HIBCH: variants seen among roughly 807,000 people sequenced by gnomAD.
HIBCH encodes the protein 3-hydroxyisobutyryl-CoA hydrolase, also known as 3-hydroxyisobutyryl-CoA hydrolase, mitochondrial.
Under a neutral mutation model 58.2 loss-of-function variants are expected in HIBCH, and 50 were observed. The observed-to-expected ratio is 0.86, with a 90% CI of 0.68 to 1.09. HIBCH has a LOEUF of 1.09. Ranked by LOEUF, HIBCH falls within the 50% of genes least tolerant of loss-of-function variation. The pLI is 0.00. For missense variants in HIBCH, 450 were observed against 449.7 expected (o/e 1.00, Z -0.01); for synonymous variants, 151 against 146.9 (o/e 1.03, Z -0.20).
chr2:190,279,336 C>A lies in HIBCH; in HGVS notation c.438+8250G>T, dbSNP rs1687643387. Among the ~76,000 whole-genome samples the A allele has an allele frequency of 6.6e-6, 1 of 152,210 alleles. No individual in the cohort carries two copies. The highest frequency in any genetic ancestry group is 1.5e-5 in the Non-Finnish European group (1 of 68,046). The stretch of plus-strand genomic sequence containing the variant: ...GTGGGGACAAATATTCAAACCGTAG[C>A]ATTCCATCCCTGACCTCCCAAACTC... On this transcript the variant is annotated intron_variant, in intron 6 of 13. Transcript: ENST00000359678. The surrounding 1 kb of genome is among the most constrained non-coding windows in gnomAD (Gnocchi z 4.2).
rs1358205722 is a variant in HIBCH at position 190,214,863 on chromosome 2, C to T, written c.892-1788G>A. ...ATCTGGGGATCATGAAGGAGCTAAA[C>T]CCAGTGCTCCCTTAAATCCTTATCC... On this transcript the variant is annotated intron_variant, in intron 11 of 13. Transcript: ENST00000359678. The surrounding 1 kb of genome is among the most constrained non-coding windows in gnomAD (Gnocchi z 5.5). 1.3e-5 allele frequency: 2 copies of T among 152,246 alleles called. No homozygotes were observed. Among genetic ancestry groups the T allele is most frequent in the African/African-American group, 2.4e-5 (1 of 41,436 alleles). The allele number at this position is 152,246 out of a possible 1,614,324, so 9.4% of individuals were successfully genotyped here.
At chr2:190,313,073 C>T (rs970719743) in intron 1 of HIBCH, among the ~76,000 whole-genome samples, 30 of 152,184 alleles carry the variant, frequency 2.0e-4, no homozygotes, top group Admixed American at 7.9e-4. Context: ...AGTTTTTCTT[C>T]CTGTTAAAGA....
At chr2:190,319,545 AAGACAG>A (rs1348178499) in intron 1 of HIBCH, among the ~76,000 whole-genome samples, 165 bp downstream of exon 1, 1 of 152,186 alleles carries the variant, frequency 6.6e-6, no homozygotes, top group Admixed American at 6.5e-5. Context: ...GGAGAAAGGA[AAGACAG>A]GGACGGGGGC....
Position 190,296,848 on chromosome 2 carries a change from G to A in HIBCH, c.184C>T (p.Leu62Phe), listed in dbSNP as rs544400387. Residue 62 changes from leucine (L) to phenylalanine (F), a missense_variant, in exon 3 of 14, where the codon CTT (leucine) becomes TTT (phenylalanine). By Grantham distance (22) the Leu-to-Phe change is conservative (BLOSUM62 0). Coordinates refer to ENST00000359678, the MANE Select transcript of HIBCH (RefSeq NM_014362.4). ...NRPKFLNALTLNMIRQIYPQL... is the reference protein window; with the variant it reads ...NRPKFLNALTFNMIRQIYPQL... ...GGATAAATCTGCCGAATCATATTAA[G>A]AGTCAGTGCATTGAGGAACTTTGGT... 8.5e-5 allele frequency: 137 copies of A among 1,614,030 alleles called. 2 individuals are homozygous for A. In the South Asian group the frequency reaches 1.4e-3, roughly 17 times the overall value.
intron 6 of HIBCH, among the ~76,000 whole-genome samples, chr2:190,286,409 G>C (rs113172035): frequency 3.3e-5 from 5 of 152,094 alleles, no homozygotes; most frequent in African/African-American, 1.2e-4. Context: ...GTAAAACTTT[G>C]ATTAAACAAA....
In HIBCH at chr2:190,211,904, T is replaced by C. The variant is rs181058672; in HGVS notation, c.1011+1052A>G. Reference sequence around the variant, plus strand: ...GGCAAGAATCAATCAATCTAGGCAGTGCACTAAAAGTGTAATGAAAAACAT... The same window carrying C: ...GGCAAGAATCAATCAATCTAGGCAGCGCACTAAAAGTGTAATGAAAAACAT... On this transcript the variant is annotated intron_variant, in intron 12 of 13. Coordinates refer to ENST00000359678, the MANE Select transcript of HIBCH (RefSeq NM_014362.4). The surrounding 1 kb of genome is among the most constrained non-coding windows in gnomAD (Gnocchi z 5.0). 2.1e-4 allele frequency among the ~76,000 whole-genome samples: 32 copies of C among 152,296 alleles called. No individual in the cohort carries two copies. The East Asian group carries it at 5.8e-3, about 28-fold the overall frequency.
At chr2:190,193,237 A>G (rs1015912226) in intron 1 of HIBCH, among the ~76,000 whole-genome samples, 14 of 152,044 alleles carry the variant, frequency 9.2e-5, no homozygotes, top group South Asian at 4.2e-4. Flanking sequence ...TTTTTATGTT[A>G]ATATAGTGAA....
intron 4 of HIBCH, among the ~76,000 whole-genome samples, chr2:190,291,866 A>G (rs11883584): frequency 0.015 from 2,309 of 152,206 alleles, 64 homozygotes; most frequent in African/African-American, 0.051. Context: ...GTCCTATGAG[A>G]TTTATCTATT....
rs187289550 is a variant in HIBCH, at chr2:190,314,633, C to A, written c.36-3837G>T. Among the ~76,000 whole-genome samples, 37 of 151,836 alleles carry A rather than the reference C, an allele frequency of 2.4e-4. 1 individual carries two copies. In the East Asian group the frequency reaches 5.7e-3, roughly 23 times the overall value. The stretch of plus-strand genomic sequence containing the variant: ...AGCTGGGATTGCAGGCATGCGTCAC[C>A]ACACCCGGCTTATTTTTGTATTTTT... On this transcript the variant is annotated intron_variant, in intron 1 of 13. Coordinates refer to ENST00000359678, the MANE Select transcript of HIBCH (RefSeq NM_014362.4).
rs537885747 is a variant in HIBCH, at chr2:190,189,807, G to A, written c.*208C>T. 6 of 152,302 alleles carry A rather than the reference G, an allele frequency of 3.9e-5. No homozygotes were observed. In the East Asian group the frequency reaches 1.2e-3, roughly 29 times the overall value. 9.4% of individuals were successfully genotyped at this position (152,302 alleles called of 1,614,324 possible). On this transcript the variant is annotated 3_prime_UTR_variant, in exon 2 of 2. Transcript: ENST00000399855. Reference sequence around the variant, plus strand: ...AGCACTCTACCTGTTCCCAAAGGAAGTGACAGATAAAGCCCTTGAACTGGC... The same window carrying A: ...AGCACTCTACCTGTTCCCAAAGGAAATGACAGATAAAGCCCTTGAACTGGC...
At chr2:190,225,056 G>A (rs564881832) in intron 11 of HIBCH, among the ~76,000 whole-genome samples, 1 of 152,300 alleles carries the variant, frequency 6.6e-6, no homozygotes, top group Non-Finnish European at 1.5e-5. Context: ...GAAATAAGAT[G>A]TTCTTTGAAA....
At chr2:190,298,281 T>A (rs1688164098) in intron 2 of HIBCH, among the ~76,000 whole-genome samples, 1 of 152,176 alleles carries the variant, frequency 6.6e-6, no homozygotes, top group African/African-American at 2.4e-5. Context: ...AGAAATGGGA[T>A]TGTGGGGTCA....
intron 5 of HIBCH, 121 bp from the exon 6 acceptor site, chr2:190,287,759 C>A: frequency 1.4e-6 from 1 of 691,450 alleles, no homozygotes; most frequent in Non-Finnish European, 2.6e-6. Context: ...CAAGAAACAC[C>A]AAAGACGACT....
downstream of HIBCH, chr2:190,200,636 ACTT>A (rs1457198616): frequency 5.8e-6 from 1 of 172,356 alleles, no homozygotes; most frequent in African/African-American, 2.4e-5. Flanking sequence ...AAGGATCTCT[ACTT>A]CTTGACACAA....
intron 1 of HIBCH, among the ~76,000 whole-genome samples, chr2:190,316,553 C>A (rs1178703323): frequency 6.6e-6 from 1 of 152,130 alleles, no homozygotes; most frequent in East Asian, 1.9e-4. Context: ...TCCAGGTTTT[C>A]CAGAAAAATC....
chr2:190,251,714 T>A (rs1224324629), intron 8 of HIBCH, among the ~76,000 whole-genome samples: 3 of 150,586 alleles, frequency 2.0e-5, no homozygotes, highest in Non-Finnish European at 4.4e-5. Context: ...ATAAGTAACG[T>A]GTTCCTTGTA....
intron 3 of HIBCH, among the ~76,000 whole-genome samples, chr2:190,295,881 T>C (rs140429518): frequency 6.6e-6 from 1 of 152,336 alleles, no homozygotes; most frequent in Non-Finnish European, 1.5e-5. Flanking sequence ...GTTAAACATC[T>C]ACATGGCAGA....
At chr2:190,314,424 T>TAC (rs751670798) in intron 1 of HIBCH, among the ~76,000 whole-genome samples, 102 of 149,870 alleles carry the variant, frequency 6.8e-4, no homozygotes, top group Non-Finnish European at 1.3e-3. Context: ...TATATATATA[T>TAC]ACACACACAA....
intron 4 of HIBCH, among the ~76,000 whole-genome samples, chr2:190,291,198 T>TC (rs1013327404): frequency 1.6e-4 from 24 of 152,122 alleles, no homozygotes; most frequent in African/African-American, 4.6e-4. Context: ...CACATTCATT[T>TC]CCCCCATAAA....
Sources: gnomAD v4.1 joint callset for allele counts (sites outside exome capture counted in the v4.1 genomes callset) on GRCh38, gnomAD v4.1.1 for gene constraint, Gnocchi (gnomAD v3.1) non-coding constraint, MANE v1.5 for transcripts, NCBI Gene and HGNC (gene_info 2026-07-23, HGNC 2026-07-21) for gene names.